Variants in SRPX observed in about 807,000 individuals in gnomAD.
SRPX encodes sushi repeat-containing protein SRPX.
SRPX carries 24 observed loss-of-function variants against 38.1 expected under a neutral mutation model. The observed-to-expected ratio is 0.63, with a 90% CI of 0.46 to 0.89. SRPX has a LOEUF of 0.89. SRPX is among the 40% of genes least tolerant of loss of function. The pLI is 0.00. For synonymous variants in SRPX, 184 were observed against 153.8 expected (o/e 1.20, Z -1.45); for missense variants, 416 against 377.8 (o/e 1.10, Z -0.84).
intron 1 of SRPX, among the ~76,000 whole-genome samples, chrX:38,201,054 T>C (rs1939103603): frequency 8.9e-6 from 1 of 111,893 alleles, no homozygotes; most frequent in Non-Finnish European, 1.9e-5. Context: ...CTCTGAACTT[T>C]CACAGTGACT....
intron 1 of SRPX, among the ~76,000 whole-genome samples, chrX:38,220,270 G>C (rs943631728): frequency 8.8e-6 from 1 of 113,760 alleles, no homozygotes; most frequent in African/African-American, 3.2e-5. Flanking sequence ...CCTGGGACGT[G>C]TAGTGGGAGG....
chrX:38,216,190 T>A (rs1939419685), intron 1 of SRPX, among the ~76,000 whole-genome samples: 1 of 112,025 alleles, frequency 8.9e-6, no homozygotes, highest in Admixed American at 9.5e-5. Context: ...CATTCTTCAA[T>A]AACCAATTCC....
chrX:38,166,245 T>C (rs989722022), intron 4 of SRPX, among the ~76,000 whole-genome samples: 5 of 112,448 alleles, frequency 4.4e-5, no homozygotes, highest in African/African-American at 1.6e-4. Flanking sequence ...GTGTCTTGTC[T>C]AATAATTTCT....
intron 1 of SRPX, among the ~76,000 whole-genome samples, chrX:38,207,234 T>A (rs989906058): frequency 1.8e-5 from 2 of 112,669 alleles, no homozygotes; most frequent in East Asian, 5.6e-4. Context: ...GGGAAAATAA[T>A]ATTTTTCCAA....
intron 1 of SRPX, among the ~76,000 whole-genome samples, chrX:38,199,725 T>C (rs946807468): frequency 9.4e-6 from 1 of 105,844 alleles, no homozygotes; most frequent in Non-Finnish European, 2.0e-5. Flanking sequence ...TGAGATTAGA[T>C]TGACAAAATA....
At chrX:38,160,307 G>T in intron 6 of SRPX, 111 bp from the exon 7 acceptor site, 3 of 772,987 alleles carry the variant, frequency 3.9e-6, no homozygotes, top group Non-Finnish European at 3.8e-6. Context: ...TTCTACATCA[G>T]CCTGTGAAAT....
intron 1 of SRPX, among the ~76,000 whole-genome samples, chrX:38,214,528 G>A (rs1443889060): frequency 8.9e-6 from 1 of 111,767 alleles, no homozygotes; most frequent in African/African-American, 3.3e-5. Context: ...ACCTACTCAC[G>A]TGGCTGGGGG....
chrX:38,206,286 C>T (rs1012814126), intron 1 of SRPX, among the ~76,000 whole-genome samples: 144 of 112,297 alleles, frequency 1.3e-3, no homozygotes, highest in African/African-American at 4.5e-3. Context: ...GGAACCATCC[C>T]GGATCCTCTA....
At chrX:38,191,156 T>C (rs948235515) in intron 1 of SRPX, among the ~76,000 whole-genome samples, 1 of 112,141 alleles carries the variant, frequency 8.9e-6, no homozygotes, top group African/African-American at 3.2e-5. Flanking sequence ...CATAAGATGA[T>C]AAGCCCATCC....
intron 1 of SRPX, among the ~76,000 whole-genome samples, chrX:38,202,890 T>C (rs1357719266): frequency 8.9e-6 from 1 of 112,237 alleles, no homozygotes; most frequent in African/African-American, 3.2e-5. Context: ...TTCCACAAAA[T>C]TGAAGTGGAG....
chrX:38,215,851 G>A (rs774032568), intron 1 of SRPX, among the ~76,000 whole-genome samples: 1 of 112,007 alleles, frequency 8.9e-6, no homozygotes, highest in South Asian at 3.7e-4. Context: ...CTTTTTAAAT[G>A]AAAATAACTG....
At chrX:38,167,349 C>T (rs966803122) in intron 4 of SRPX, among the ~76,000 whole-genome samples, 5 of 111,313 alleles carry the variant, frequency 4.5e-5, no homozygotes, top group Non-Finnish European at 9.4e-5. Flanking sequence ...CATAGCTTCC[C>T]CATGAACCCT....
At chrX:38,194,143 C>T (rs1938953350) in intron 1 of SRPX, among the ~76,000 whole-genome samples, 1 of 111,281 alleles carries the variant, frequency 9.0e-6, no homozygotes, top group South Asian at 3.8e-4. Context: ...ATACCAACAG[C>T]CTATACTCTC....
intron 5 of SRPX, among the ~76,000 whole-genome samples, chrX:38,164,129 G>A (rs1938316642): frequency 1.1e-5 from 1 of 91,482 alleles, no homozygotes; most frequent in Non-Finnish European, 2.2e-5. Context: ...TATATTTATG[G>A]GGTACATGAG....
chrX:38,199,071 T>C (rs1394922679), intron 1 of SRPX, among the ~76,000 whole-genome samples: 1 of 111,316 alleles, frequency 9.0e-6, no homozygotes, highest in African/African-American at 3.3e-5. Flanking sequence ...TTTTGGTTCA[T>C]ATACTTATAA....
At chrX:38,213,752 G>A (rs1198951626) in intron 1 of SRPX, among the ~76,000 whole-genome samples, 1 of 112,089 alleles carries the variant, frequency 8.9e-6, no homozygotes, top group Non-Finnish European at 1.9e-5. Flanking sequence ...GAGGCCTCAG[G>A]AAACTTGCAA....
At chrX:38,218,153 C>A (rs1254446845) in intron 1 of SRPX, among the ~76,000 whole-genome samples, 1 of 111,948 alleles carries the variant, frequency 8.9e-6, no homozygotes, top group African/African-American at 3.3e-5. Context: ...GTTTTCCTGA[C>A]TAGTAAAACC....
At chrX:38,171,622 C>T (rs1938471623) in intron 4 of SRPX, among the ~76,000 whole-genome samples, 1 of 111,747 alleles carries the variant, frequency 8.9e-6, no homozygotes, top group Non-Finnish European at 1.9e-5. Context: ...CACATCTCTG[C>T]CAGCCTGTAG....
intron 7 of SRPX, among the ~76,000 whole-genome samples, chrX:38,158,237 C>T (rs1938169079): frequency 8.9e-6 from 1 of 111,752 alleles, no homozygotes; most frequent in Non-Finnish European, 1.9e-5. Context: ...ACAACACAGG[C>T]AAACAGGACA....
Sources: allele counts gnomAD v4.1 joint callset (sites outside exome capture counted in the v4.1 genomes callset), GRCh38; gene constraint gnomAD v4.1.1; transcripts MANE v1.5; gene names NCBI Gene and HGNC (gene_info 2026-07-23, HGNC 2026-07-21).